The following LRRC9 variants were observed in gnomAD, a reference collection of about 807,000 sequenced individuals.
The protein encoded by LRRC9 is leucine rich repeat containing 9.
A neutral mutation model predicts 63.2 loss-of-function variants in LRRC9; 122 were observed. The observed-to-expected ratio is 1.93, with a 90% CI of 1.67 to 2.24. LRRC9 has a LOEUF of 2.24. Ranked by LOEUF, LRRC9 falls within the 30% of genes most tolerant of loss-of-function variation. The pLI, the probability that LRRC9 is intolerant of heterozygous loss-of-function variation, is 0.00. For missense variants in LRRC9, 1,071 were observed against 627.7 expected, an observed-to-expected ratio of 1.71 and a Z score of -7.55; for synonymous variants, 366 against 213.1, an observed-to-expected ratio of 1.72 and a Z score of -6.25.
Position 60,031,135 on chromosome 14 carries a change from C to T in LRRC9, c.3922-860C>T, listed in dbSNP as rs566647704. On this transcript the variant is annotated intron_variant, in intron 28 of 31. Transcript: ENST00000445360. The surrounding 1 kb of genome is among the most constrained non-coding windows in gnomAD (Gnocchi z 4.6). Reference sequence around the variant, plus strand: ...GAAACTGCTTGTGGGTAAAAATGCACAATATCTCTATAGATTTACAGATTT... The same window carrying T: ...GAAACTGCTTGTGGGTAAAAATGCATAATATCTCTATAGATTTACAGATTT... 6.6e-6 allele frequency among the ~76,000 whole-genome samples: 1 copy of T among 152,120 alleles called. No individual in the cohort carries two copies. Among genetic ancestry groups the T allele is most frequent in the East Asian group, 1.9e-4 (1 of 5,180 alleles).
At chr14:60,014,745 GT>G (rs942666038) in intron 23 of LRRC9, among the ~76,000 whole-genome samples, 4 of 151,530 alleles carry the variant, frequency 2.6e-5, no homozygotes, top group South Asian at 2.1e-4. Flanking sequence ...ATGGATTTGG[GT>G]TTTTTTTCCT....
In LRRC9 at chr14:60,006,791, T is replaced by A. The variant is rs528805833; in HGVS notation, c.3063+174T>A. ...AATGTTGTATACATACAAAAATATA[T>A]CTGTGTATACATAATGTCCCCATTT... On this transcript the variant is annotated intron_variant, in intron 22 of 31. Coordinates refer to ENST00000445360, the Ensembl canonical transcript of LRRC9. 39 of 465,132 alleles carry A rather than the reference T, an allele frequency of 8.4e-5. No homozygotes were observed. The East Asian group carries it at 1.4e-3, about 17-fold the overall frequency. 28.8% of individuals were successfully genotyped at this position (465,132 alleles called of 1,614,324 possible).
chr14:59,978,005 C>T lies in LRRC9; in HGVS notation c.1763-12C>T, dbSNP rs2140080467. 1.5e-6 allele frequency: 1 copy of T among 688,730 alleles called. No individual in the cohort carries two copies. Among genetic ancestry groups the T allele is most frequent in the Admixed American group, 2.1e-5 (1 of 48,316 alleles). 42.7% of individuals were successfully genotyped at this position (688,730 alleles called of 1,614,324 possible). Reference sequence around the variant, plus strand: ...AATGTGTTTGCTTTGCTTGTTTTTGCTTTTACTCTAGATTCTGTCATGGGA... The same window carrying T: ...AATGTGTTTGCTTTGCTTGTTTTTGTTTTTACTCTAGATTCTGTCATGGGA... On this transcript the variant is annotated splice_polypyrimidine_tract_variant and intron_variant, in intron 14 of 31. Transcript: ENST00000445360.
intron 8 of LRRC9, among the ~76,000 whole-genome samples, chr14:59,949,746 C>T (rs1228623411): frequency 1.1e-4 from 17 of 151,238 alleles, no homozygotes; most frequent in Non-Finnish European, 2.2e-4. Flanking sequence ...GCCTTCATTT[C>T]GTTATGTACC....
intron 22 of LRRC9, 59 bp downstream of exon 22, chr14:60,006,676 G>A: frequency 1.9e-6 from 1 of 537,264 alleles, no homozygotes; most frequent in Non-Finnish European, 3.3e-6. Flanking sequence ...TTTATATTAT[G>A]AAAGTAATGC....
intron 29 of LRRC9, among the ~76,000 whole-genome samples, chr14:60,036,888 T>C (rs1424199325): frequency 6.6e-6 from 1 of 152,146 alleles, no homozygotes; most frequent in East Asian, 1.9e-4. Flanking sequence ...TTACATTAGG[T>C]ATATCTCCTA....
chr14:59,939,976 G>A (rs1881582923), intron 7 of LRRC9, among the ~76,000 whole-genome samples: 1 of 151,974 alleles, frequency 6.6e-6, no homozygotes, highest in Admixed American at 6.6e-5. Context: ...GAGTCACCGA[G>A]GGAATGGTAT....
At chr14:60,048,997 G>C (rs1715421972) in intron 29 of LRRC9, among the ~76,000 whole-genome samples, 1 of 152,156 alleles carries the variant, frequency 6.6e-6, no homozygotes, top group African/African-American at 2.4e-5. Flanking sequence ...ATCAATAAAT[G>C]TGGCTCATCA....
chr14:60,018,418 T>C, exon 25 of LRRC9: 1 of 700,658 alleles, frequency 1.4e-6, no homozygotes, highest in Non-Finnish European at 2.6e-6. Context: ...GTGTGTAATG[T>C]GAATCTACAG....
At chr14:60,008,834 C>T (rs1488823632) in intron 23 of LRRC9, among the ~76,000 whole-genome samples, 1 of 152,096 alleles carries the variant, frequency 6.6e-6, no homozygotes, top group Non-Finnish European at 1.5e-5. Context: ...GAAAACACAT[C>T]AAATTTTCTA....
At chr14:59,952,768 C>T (rs368799702) in intron 8 of LRRC9, among the ~76,000 whole-genome samples, 4 of 152,140 alleles carry the variant, frequency 2.6e-5, no homozygotes, top group South Asian at 2.1e-4. Flanking sequence ...TTTTAAGCCC[C>T]GCATGCATTA....
intron 7 of LRRC9, among the ~76,000 whole-genome samples, chr14:59,943,963 A>G (rs977675065): frequency 9.9e-5 from 15 of 151,992 alleles, no homozygotes; most frequent in African/African-American, 3.6e-4. Context: ...TTTAACTAAC[A>G]TAACTCTCAA....
intron 30 of LRRC9, among the ~76,000 whole-genome samples, chr14:60,056,479 G>A (rs1894290074): frequency 6.6e-6 from 1 of 151,918 alleles, no homozygotes; most frequent in Admixed American, 6.6e-5. Context: ...TTTGTTTGTT[G>A]GCTATTCTTT....
intron 1 of LRRC9, among the ~76,000 whole-genome samples, chr14:59,926,626 C>T (rs141679651): frequency 1.7e-4 from 26 of 152,176 alleles, no homozygotes; most frequent in African/African-American, 6.3e-4. Flanking sequence ...AGTTGCTCTT[C>T]CCTGAAAGGT....
At chr14:60,041,870 T>A (rs943383484) in intron 29 of LRRC9, among the ~76,000 whole-genome samples, 4 of 152,212 alleles carry the variant, frequency 2.6e-5, no homozygotes, top group Non-Finnish European at 5.9e-5. Context: ...TTTTTCCCCA[T>A]CTTTGTGGTT....
chr14:60,019,158 T>G (rs1181358056), exon 26 of LRRC9: 1 of 699,616 alleles, frequency 1.4e-6, no homozygotes, highest in Non-Finnish European at 2.6e-6. Flanking sequence ...GAATCAATCA[T>G]GCCCAGACTA....
At chr14:59,928,065 A>G in intron 2 of LRRC9, 74 bp downstream of exon 2, 1 of 640,426 alleles carries the variant, frequency 1.6e-6, no homozygotes, top group Admixed American at 2.6e-5. Context: ...GCTCCTTTCT[A>G]GAGCTGGAAG....
intron 7 of LRRC9, among the ~76,000 whole-genome samples, chr14:59,941,570 GTTGT>G (rs925642893): frequency 5.3e-5 from 8 of 151,882 alleles, no homozygotes; most frequent in Admixed American, 2.6e-4. Flanking sequence ...AACATTATTT[GTTGT>G]TTATCTGAAA....
chr14:60,024,825 C>T (rs1336439675), intron 27 of LRRC9, among the ~76,000 whole-genome samples: 1 of 151,844 alleles, frequency 6.6e-6, no homozygotes, highest in Non-Finnish European at 1.5e-5. Flanking sequence ...CACCCCCCTC[C>T]CATTCTCCCC....
Sources: allele counts gnomAD v4.1 joint callset (sites outside exome capture counted in the v4.1 genomes callset), GRCh38; gene constraint gnomAD v4.1.1; non-coding constraint Gnocchi (gnomAD v3.1); transcripts MANE v1.5; gene names NCBI Gene and HGNC (gene_info 2026-07-23, HGNC 2026-07-21).